The following UNC5B variants were observed in gnomAD, a reference collection of about 807,000 sequenced individuals.
The protein encoded by UNC5B is unc-5 netrin receptor B, also known as netrin receptor UNC5B.
In UNC5B, 56 loss-of-function variants were observed where a neutral mutation model predicts 103.7. That is an observed-to-expected ratio of 0.54 (90% confidence interval 0.44 to 0.67). The LOEUF (loss-of-function observed/expected upper bound fraction) is 0.67. Ranked by LOEUF, UNC5B falls within the 30% of genes least tolerant of loss-of-function variation. The pLI is 0.00. For missense variants in UNC5B, 1,194 were observed against 1,284.5 expected, an observed-to-expected ratio of 0.93 and a Z score of 1.08; for synonymous variants, 577 against 542.0, an observed-to-expected ratio of 1.06 and a Z score of -0.90.
chr10:71,296,485 C>T (rs556339258), intron 14 of UNC5B, 93 bp from the exon 15 acceptor site: 2 of 1,454,256 alleles, frequency 1.4e-6, no homozygotes, highest in Middle Eastern at 2.1e-4. Context: ...CTGAACTGCC[C>T]CCCAAAGCTC....
At chr10:71,273,203 A>G (rs2132292685) in intron 1 of UNC5B, among the ~76,000 whole-genome samples, 1 of 152,348 alleles carries the variant, frequency 6.6e-6, no homozygotes, top group Admixed American at 6.5e-5. Context: ...GTGCTTGTTA[A>G]GAAAGATATT....
Position 71,294,071 on chromosome 10 carries a change from C to T in UNC5B, c.2175+138C>T, listed in dbSNP as rs58276919. 8.3e-3 allele frequency: 6,318 copies of T among 760,692 alleles called. 218 individuals are homozygous for T. The highest frequency in any genetic ancestry group is 0.083 in the African/African-American group (4,722 of 56,906). 47.1% of individuals were successfully genotyped at this position (760,692 alleles called of 1,614,324 possible). ...GCATTATTAGGTCCCGCTTGCGACC[C>T]TCACACACTGAAACAGCCTTGGGCA... On this transcript the variant is annotated intron_variant, in intron 13 of 16. Transcript: ENST00000335350.
At chr10:71,224,069 G>A (rs935594328) in intron 1 of UNC5B, among the ~76,000 whole-genome samples, 3 of 152,190 alleles carry the variant, frequency 2.0e-5, no homozygotes, top group Non-Finnish European at 2.9e-5. Flanking sequence ...ATCCTCAGCT[G>A]GTGGCTCACT....
chr10:71,272,252 C>T lies in UNC5B; in HGVS notation c.80-7569C>T, dbSNP rs528884017. ...TGTGATTGCTGATGATAAATGTGCC[C>T]AGCGTGGGGCGTTTCTCTGTCCTCA... On this transcript the variant is annotated intron_variant, in intron 1 of 16. Transcript: ENST00000335350. Among the ~76,000 whole-genome samples the T allele has an allele frequency of 5.1e-4, 78 of 152,256 alleles. 2 individuals are homozygous for T. The South Asian group carries it at 0.014, about 27-fold the overall frequency.
In UNC5B at chr10:71,299,193, G is replaced by T; in HGVS notation, c.2754G>T (p.Gly918=). ...GGGAAGCTCTGCAGCAGGACGATGG[G>T]GACCTCAACAGCCTGGCGAGTGCCT... ...DLWEALQQDD[G]DLNSLASALE... The change falls in exon 17 of 17, where the codon GGG becomes GGT. Residue 918 remains glycine, a synonymous_variant. Transcript: ENST00000335350. 1 of 1,614,230 alleles carries T rather than the reference G, an allele frequency of 6.2e-7. No individual in the cohort carries two copies. Among genetic ancestry groups the T allele is most frequent in the Non-Finnish European group, 8.5e-7 (1 of 1,180,040 alleles).
intron 1 of UNC5B, among the ~76,000 whole-genome samples, chr10:71,255,551 G>A (rs969405494): frequency 2.0e-5 from 3 of 152,144 alleles, no homozygotes; most frequent in Non-Finnish European, 4.4e-5. Flanking sequence ...AACACCCCCG[G>A]GCTTTAGGGA....
At chr10:71,260,159 G>A (rs1476181585) in intron 1 of UNC5B, among the ~76,000 whole-genome samples, 4 of 152,228 alleles carry the variant, frequency 2.6e-5, no homozygotes, top group African/African-American at 7.2e-5. Context: ...TGCCCAAGGG[G>A]GTGGCTTCTC....
intron 1 of UNC5B, among the ~76,000 whole-genome samples, chr10:71,240,798 G>A (rs1843881997): frequency 6.6e-6 from 1 of 152,200 alleles, no homozygotes; most frequent in African/African-American, 2.4e-5. Flanking sequence ...AATGCCTGTG[G>A]CTGAGAAACC....
chr10:71,226,819 C>G (rs1326194348), intron 1 of UNC5B, among the ~76,000 whole-genome samples: 1 of 152,076 alleles, frequency 6.6e-6, no homozygotes, highest in Non-Finnish European at 1.5e-5. Flanking sequence ...TTCATAGATG[C>G]TGAACAAAGC....
chr10:71,218,945 C>G (rs1843395317), intron 1 of UNC5B, among the ~76,000 whole-genome samples: 2 of 152,158 alleles, frequency 1.3e-5, no homozygotes, highest in South Asian at 4.1e-4. Flanking sequence ...GACACACCCA[C>G]ACACATGCTG....
intron 1 of UNC5B, among the ~76,000 whole-genome samples, chr10:71,261,389 TA>T: frequency 6.6e-6 from 1 of 152,306 alleles, no homozygotes; most frequent in South Asian, 2.1e-4. Context: ...CATTTGCCCC[TA>T]GACTAGATTG....
At position 71,296,685 on chromosome 10, in the gene UNC5B, C is replaced by T. The variant is rs779306558; in HGVS notation, c.2433C>T (p.Cys811=). 2.2e-5 allele frequency: 35 copies of T among 1,612,588 alleles called. No individual in the cohort carries two copies. Among genetic ancestry groups the T allele is most frequent in the Admixed American group, 5.0e-5 (3 of 59,824 alleles). ...LASTELTCKI[C]VRQVEGEGQI... ...CCACAGAGCTCACCTGCAAGATCTG[C>T]GTGCGGCAAGTGGAAGGGGAGGGCC... The change falls in exon 15 of 17, where the codon TGC becomes TGT. Residue 811 remains cysteine (C), a synonymous_variant. Transcript: ENST00000335350.
intron 1 of UNC5B, among the ~76,000 whole-genome samples, chr10:71,276,171 G>C (rs1844765976): frequency 1.3e-5 from 1 of 78,040 alleles, no homozygotes; most frequent in Non-Finnish European, 3.5e-5. Context: ...TTTTGGCCTT[G>C]GGATAGCTTA....
At chr10:71,225,894 GGCTGGCCACACCTT>G (rs1266124551) in intron 1 of UNC5B, among the ~76,000 whole-genome samples, 1 of 130,378 alleles carries the variant, frequency 7.7e-6, no homozygotes, top group African/African-American at 2.5e-5. Flanking sequence ...CAGCACACCT[GGCTGGCCACACCTT>G]GCCAGCCCCT....
At chr10:71,276,229 T>C (rs999254992) in intron 1 of UNC5B, among the ~76,000 whole-genome samples, 1 of 152,100 alleles carries the variant, frequency 6.6e-6, no homozygotes, top group Non-Finnish European at 1.5e-5. Context: ...TGCATCTCTG[T>C]CTAGGGTTAT....
chr10:71,231,550 T>G lies in UNC5B; in HGVS notation c.79+18486T>G, dbSNP rs1372314560. On this transcript the variant is annotated intron_variant, in intron 1 of 16. Coordinates refer to ENST00000335350, the MANE Select transcript of UNC5B (RefSeq NM_170744.5). ...GCAGGGCTGTGTACGCTCAGCAATG[T>G]ACCCTAAATGCTCAGAACGGTGCCC... Among the ~76,000 whole-genome samples the G allele has an allele frequency of 1.6e-4, 24 of 152,184 alleles. 1 individual carries two copies. Among genetic ancestry groups the G allele is most frequent in the Admixed American group, 1.6e-3 (24 of 15,278 alleles).
Position 71,286,699 on chromosome 10 carries a change from T to A in UNC5B, c.563T>A (p.Leu188His). 2 of 1,614,034 alleles carry A rather than the reference T, an allele frequency of 1.2e-6. No individual in the cohort carries two copies. The highest frequency in any genetic ancestry group is 2.7e-5 in the African/African-American group (2 of 74,990). The change falls in exon 5 of 17, where the codon CTC (leucine) becomes CAC (histidine). Residue 188 changes from leucine (L) to histidine (H), a missense_variant. Leu to His is a moderately conservative substitution (Grantham distance 99, BLOSUM62 -3). Transcript: ENST00000335350. Reference protein sequence around the residue: ...EGVPVAEVEWLKNEDVIDPTQ... With the variant: ...EGVPVAEVEWHKNEDVIDPTQ... Reference sequence around the variant, plus strand: ...CCCCCACTCTTGCAGGTGGAATGGCTCAAGAATGAGGATGTCATCGACCCC... The same window carrying A: ...CCCCCACTCTTGCAGGTGGAATGGCACAAGAATGAGGATGTCATCGACCCC...
intron 1 of UNC5B, among the ~76,000 whole-genome samples, chr10:71,248,433 C>T (rs925542728): frequency 6.6e-6 from 1 of 152,200 alleles, no homozygotes; most frequent in South Asian, 2.1e-4. Flanking sequence ...CTTTCCCCTT[C>T]TTCCCCTGAG....
chr10:71,290,486 C>G (rs1391200131), intron 8 of UNC5B, among the ~76,000 whole-genome samples: 1 of 152,152 alleles, frequency 6.6e-6, no homozygotes, highest in African/African-American at 2.4e-5. Flanking sequence ...GATAACAGAG[C>G]CAGAAGACCT....
Sources: allele counts gnomAD v4.1 joint callset (sites outside exome capture counted in the v4.1 genomes callset), GRCh38; gene constraint gnomAD v4.1.1; transcripts MANE v1.5; gene names NCBI Gene and HGNC (gene_info 2026-07-23, HGNC 2026-07-21).